Variants in USP50 observed in about 807,000 individuals in gnomAD.
The protein encoded by USP50 is ubiquitin carboxyl-terminal hydrolase 50.
Under a neutral mutation model 39.2 loss-of-function variants are expected in USP50, and 37 were observed. That is an observed-to-expected ratio of 0.94 (90% CI 0.73 to 1.24). The LOEUF (loss-of-function observed/expected upper bound fraction) is 1.24. USP50 is among the 50% of genes most tolerant of loss of function. The probability of loss-of-function intolerance (pLI) is 0.00; values close to 1 mark genes in which losing one functional copy is unlikely to be tolerated. For synonymous variants in USP50, 139 were observed against 144.5 expected (o/e 0.96, Z 0.27); for missense variants, 374 against 398.2 (o/e 0.94, Z 0.52).
intron 4 of USP50, 88 bp from the exon 5 acceptor site, chr15:50,538,939 G>C (rs1263623430): frequency 1.4e-6 from 2 of 1,393,424 alleles, no homozygotes; most frequent in Non-Finnish European, 1.9e-6. Flanking sequence ...CAAATGCCGT[G>C]GAAATGTAGT....
chr15:50,535,119 A>T (rs2052969526), intron 5 of USP50, among the ~76,000 whole-genome samples: 1 of 151,674 alleles, frequency 6.6e-6, no homozygotes, highest in Non-Finnish European at 1.5e-5. Context: ...AGCCTGGGCA[A>T]CAGAGTGAAA....
downstream of USP50, chr15:50,493,664 G>A (rs1233100575): frequency 5.4e-6 from 2 of 372,750 alleles, no homozygotes; most frequent in African/African-American, 4.2e-5. Context: ...AGGATCACCT[G>A]AGCCCAGAAG....
At chr15:50,498,877 T>G (rs151230600), downstream of USP50, 3 of 1,567,780 alleles carry the variant, frequency 1.9e-6, no homozygotes, top group African/African-American at 4.1e-5. Context: ...CTGAATTGAT[T>G]TTTTTTTCTA....
rs545887104 is a variant in USP50 at position 50,518,282 on chromosome 15, G to A, written c.936+11515C>T. Among the ~76,000 whole-genome samples the A allele has an allele frequency of 3.8e-4, 57 of 150,296 alleles. 1 individual carries two copies. The highest frequency in any genetic ancestry group is 6.7e-4 in the Non-Finnish European group (45 of 67,646). ...ATCACCCAGGCTGGAGTGCAGTGGCGCGATCTTGGCTCACTGCAAGTTCCG... is the reference window on the plus strand; with the variant it reads ...ATCACCCAGGCTGGAGTGCAGTGGCACGATCTTGGCTCACTGCAAGTTCCG... On this transcript the variant is annotated intron_variant, in intron 6 of 6. Transcript: ENST00000532404.
chr15:50,533,381 A>G (rs1217862726), intron 5 of USP50, among the ~76,000 whole-genome samples: 1 of 152,110 alleles, frequency 6.6e-6, no homozygotes, highest in African/African-American at 2.4e-5. Context: ...ACCAAGAAAG[A>G]TAAATACCAG....
chr15:50,533,660 A>C (rs1374535082), intron 5 of USP50, among the ~76,000 whole-genome samples: 1 of 152,222 alleles, frequency 6.6e-6, no homozygotes, highest in Non-Finnish European at 1.5e-5. Flanking sequence ...TTCACTGGAC[A>C]AAGAAAAATT....
intron 5 of USP50, chr15:50,532,009 T>C (rs1466002407): frequency 4.9e-6 from 2 of 410,800 alleles, no homozygotes; most frequent in Non-Finnish European, 4.8e-6. Context: ...ATCACAGACT[T>C]ACCAGAGCCA....
At chr15:50,536,824 A>G (rs972379391) in intron 5 of USP50, among the ~76,000 whole-genome samples, 1 of 152,170 alleles carries the variant, frequency 6.6e-6, no homozygotes, top group Non-Finnish European at 1.5e-5. Flanking sequence ...GATATATTCT[A>G]TATTCATGGA....
intron 6 of USP50, among the ~76,000 whole-genome samples, chr15:50,517,445 C>T (rs1049088610): frequency 6.7e-6 from 1 of 149,946 alleles, no homozygotes; most frequent in Non-Finnish European, 1.5e-5. Context: ...GGACTCCAGC[C>T]TAGGCAACAA....
intron 6 of USP50, among the ~76,000 whole-genome samples, chr15:50,529,222 A>G (rs1331590363): frequency 6.6e-6 from 1 of 151,906 alleles, no homozygotes; most frequent in African/African-American, 2.4e-5. Context: ...ACATAAAGCT[A>G]TCAGAGGCTG....
At chr15:50,533,590 C>A (rs1279496628) in intron 5 of USP50, among the ~76,000 whole-genome samples, 3 of 152,034 alleles carry the variant, frequency 2.0e-5, no homozygotes, top group Non-Finnish European at 4.4e-5. Context: ...AGGAAAAAAA[C>A]CCACCAACCT....
intron 6 of USP50, chr15:50,509,293 G>A (rs961115945): frequency 6.6e-6 from 1 of 152,072 alleles, no homozygotes; most frequent in Non-Finnish European, 1.5e-5. Context: ...CTCCAGCCTG[G>A]GAGACAGAGT....
chr15:50,496,202 C>G (rs775719675), downstream of USP50: 18 of 833,460 alleles, frequency 2.2e-5, no homozygotes, highest in East Asian at 4.6e-4. Flanking sequence ...AAAACTCGGC[C>G]GGGCGCAGTG....
chr15:50,526,274 G>A (rs570510685), intron 6 of USP50, among the ~76,000 whole-genome samples: 2 of 152,180 alleles, frequency 1.3e-5, no homozygotes, highest in African/African-American at 4.8e-5. Flanking sequence ...TGCCCAGGCT[G>A]GTCTCCAACT....
chr15:50,544,230 C>T (rs547304461), intron 2 of USP50, among the ~76,000 whole-genome samples: 19 of 151,932 alleles, frequency 1.3e-4, no homozygotes, highest in African/African-American at 3.4e-4. Flanking sequence ...GGCATGGTGG[C>T]GCGTGCCTGT....
chr15:50,498,349 T>A (rs1160220685), downstream of USP50: 2 of 399,040 alleles, frequency 5.0e-6, no homozygotes, highest in Non-Finnish European at 8.8e-6. Flanking sequence ...CAGAGTATAG[T>A]CCTACCTCTA....
At chr15:50,507,077 G>A (rs1385985244) in intron 6 of USP50, 1 of 151,442 alleles carries the variant, frequency 6.6e-6, no homozygotes, top group African/African-American at 2.4e-5. Context: ...GAGATCAGGA[G>A]TTCCAGACCA....
intron 5 of USP50, among the ~76,000 whole-genome samples, chr15:50,535,135 TCACACACACA>T (rs113407791): frequency 2.8e-4 from 41 of 144,516 alleles, no homozygotes; most frequent in Admixed American, 1.1e-3. Flanking sequence ...TGAAACTCTG[TCACACACACA>T]CACACACACA....
chr15:50,525,293 C>T (rs1256526317), intron 6 of USP50, among the ~76,000 whole-genome samples: 5 of 151,876 alleles, frequency 3.3e-5, no homozygotes, highest in Non-Finnish European at 7.4e-5. Flanking sequence ...AGTTTTTGGT[C>T]AAAGGGTATA....
Sources: allele counts gnomAD v4.1 joint callset (sites outside exome capture counted in the v4.1 genomes callset), GRCh38; gene constraint gnomAD v4.1.1; transcripts MANE v1.5; gene names NCBI Gene and HGNC (gene_info 2026-07-23, HGNC 2026-07-21).